Variants in CNTNAP3B observed in about 807,000 individuals in gnomAD.
The protein encoded by CNTNAP3B is contactin associated protein family member 3B, also known as contactin-associated protein-like 3B.
Under a neutral mutation model 108.9 loss-of-function variants are expected in CNTNAP3B, and 25 were observed. The ratio of observed to expected loss-of-function variants is 0.23; its 90% CI spans 0.17 to 0.32. The LOEUF (loss-of-function observed/expected upper bound fraction) is 0.32, where lower values mean the gene tolerates loss of function less well. Ranked by LOEUF, CNTNAP3B falls within the 10% of genes least tolerant of loss-of-function variation. CNTNAP3B has a pLI of 1.00. For missense variants in CNTNAP3B, 252 were observed against 1,210.4 expected, an observed-to-expected ratio of 0.21 and a Z score of 11.75; for synonymous variants, 103 against 473.4, an observed-to-expected ratio of 0.22 and a Z score of 10.16.
At chr9:42,055,228 A>G (rs1476864061) in intron 3 of CNTNAP3B, among the ~76,000 whole-genome samples, 1 of 138,456 alleles carries the variant, frequency 7.2e-6, no homozygotes, top group East Asian at 2.1e-4. Flanking sequence ...CCCATTACCC[A>G]GAGGGAAAAA....
rs558000713 is a variant in CNTNAP3B at position 41,973,137 on chromosome 9, C to T, written c.1478-2892G>A. Among the ~76,000 whole-genome samples, 203 of 140,764 alleles carry T rather than the reference C, an allele frequency of 1.4e-3. 2 individuals are homozygous for T. The highest frequency in any genetic ancestry group is 7.0e-3 in the Middle Eastern group (2 of 284). The allele number at this position is 140,764 out of a possible 152,430, so 92.3% of individuals were successfully genotyped here. ...TTTTTGTATTTTTTTTCAGTAGAGA[C>T]GGGGTTTCACCATATTAGCCAGGAT... On this transcript the variant is annotated intron_variant, in intron 9 of 23. Transcript: ENST00000377561.
chr9:42,055,095 C>T (rs2118552578), intron 3 of CNTNAP3B, among the ~76,000 whole-genome samples: 1 of 139,548 alleles, frequency 7.2e-6, no homozygotes, highest in East Asian at 2.2e-4. Flanking sequence ...GGAAAAAGAA[C>T]TGCATTAAAA....
chr9:42,032,766 C>T (rs1460790153), intron 3 of CNTNAP3B, among the ~76,000 whole-genome samples: 2 of 137,262 alleles, frequency 1.5e-5, no homozygotes, highest in Non-Finnish European at 1.6e-5. Context: ...CACTTATTCT[C>T]GCACAGCTCT....
chr9:42,127,929 C>G (rs987940542), intron 1 of CNTNAP3B, among the ~76,000 whole-genome samples: 2 of 139,552 alleles, frequency 1.4e-5, no homozygotes, highest in Non-Finnish European at 3.1e-5. Flanking sequence ...CCTTGGTTAT[C>G]CTGCAATAAT....
intron 3 of CNTNAP3B, among the ~76,000 whole-genome samples, chr9:42,044,534 A>C (rs1415307901): frequency 9.6e-6 from 1 of 104,286 alleles, no homozygotes; most frequent in East Asian, 4.9e-4. Context: ...GATGTTTATT[A>C]AACCAGAACA....
At chr9:41,942,550 G>T (rs1182881295) in intron 13 of CNTNAP3B, among the ~76,000 whole-genome samples, 1 of 150,168 alleles carries the variant, frequency 6.7e-6, no homozygotes, top group African/African-American at 2.5e-5. Context: ...GACGGAGCTT[G>T]CAGTCAGCTG....
At position 42,119,364 on chromosome 9, in the gene CNTNAP3B, T is replaced by C. The variant is rs1057447213; in HGVS notation, c.85+9646A>G. On this transcript the variant is annotated intron_variant, in intron 1 of 23. Coordinates refer to ENST00000377561, the MANE Select transcript of CNTNAP3B (RefSeq NM_001201380.3). ...CAAATGGAAGAACATTCCATGCTCA[T>C]GGGTAGGAAGAATCAGTATCATGAA... Among the ~76,000 whole-genome samples the C allele has an allele frequency of 9.0e-5, 12 of 133,314 alleles. 2 individuals are homozygous for C. Among genetic ancestry groups the C allele is most frequent in the South Asian group, 5.0e-4 (2 of 4,026 alleles). The allele number at this position is 133,314 out of a possible 152,430, so 87.5% of individuals were successfully genotyped here.
chr9:42,077,564 C>A lies in CNTNAP3B; in HGVS notation c.197-502G>T, dbSNP rs1827518438. 1.5e-5 allele frequency among the ~76,000 whole-genome samples: 2 copies of A among 131,576 alleles called. 1 individual carries two copies. Among genetic ancestry groups the A allele is most frequent in the African/African-American group, 6.1e-5 (2 of 32,650 alleles). 86.3% of individuals were successfully genotyped at this position (131,576 alleles called of 152,430 possible). A position where few individuals can be genotyped will look rare whatever the true frequency, so the allele number is the denominator to read the frequency against. ...GGCAATCCCACTTACATGTGGAATT[C>A]TAAAAAGTTGATTTCACAAAAGTAC... On this transcript the variant is annotated intron_variant, in intron 2 of 23. Coordinates refer to ENST00000377561, the MANE Select transcript of CNTNAP3B (RefSeq NM_001201380.3).
intron 18 of CNTNAP3B, among the ~76,000 whole-genome samples, chr9:41,919,109 A>T (rs1464305934): frequency 6.6e-6 from 1 of 152,256 alleles, no homozygotes; most frequent in Non-Finnish European, 1.5e-5. Context: ...AGAGTACTTA[A>T]TACTAAAATC....
chr9:41,963,170 G>A (rs1825159079), intron 11 of CNTNAP3B, among the ~76,000 whole-genome samples: 1 of 152,280 alleles, frequency 6.6e-6, no homozygotes, highest in Non-Finnish European at 1.5e-5. Context: ...TCCACAGCCT[G>A]CCTTTCTCCT....
intron 9 of CNTNAP3B, among the ~76,000 whole-genome samples, chr9:41,977,762 GGCGCCCACCACCAT>G (rs1308659246): frequency 5.0e-5 from 6 of 120,832 alleles, no homozygotes; most frequent in Non-Finnish European, 8.5e-5. Flanking sequence ...TGGGACTACA[GGCGCCCACCACCAT>G]GCCCAGCTAA....
At chr9:41,960,172 G>A (rs1198690622) in intron 12 of CNTNAP3B, 22 of 158,200 alleles carry the variant, frequency 1.4e-4, no homozygotes, top group Non-Finnish European at 2.9e-4. Context: ...GCTAATTTTT[G>A]TATTTTTAGT....
chr9:41,923,961 T>A lies in CNTNAP3B; in HGVS notation c.2498A>T (p.Asn833Ile). Residue 833 changes from asparagine (N) to isoleucine (I), a missense_variant, in exon 16 of 24, where the codon AAC becomes ATC. Transcript: ENST00000377561. Reference protein sequence around the residue: ...TTVSSGVFMENLGITDFIRIE... With the variant: ...TTVSSGVFMEILGITDFIRIE... The stretch of plus-strand genomic sequence containing the variant: ...CCTGATGAAGTCTGTGATCCCCAGG[T>A]TCTCCATAAACACCCCAGAGGAAAC... 6.2e-7 allele frequency: 1 copy of A among 1,612,134 alleles called. No homozygotes were observed. Among genetic ancestry groups the A allele is most frequent in the Non-Finnish European group, 8.5e-7 (1 of 1,179,884 alleles).
intron 14 of CNTNAP3B, among the ~76,000 whole-genome samples, chr9:41,933,362 G>A (rs1049044479): frequency 6.6e-6 from 1 of 152,276 alleles, no homozygotes; most frequent in Non-Finnish European, 1.5e-5. Context: ...CCCAAGAGTC[G>A]AAATCACCCC....
At chr9:41,958,796 A>G (rs1824960802) in intron 12 of CNTNAP3B, among the ~76,000 whole-genome samples, 1 of 151,674 alleles carries the variant, frequency 6.6e-6, no homozygotes, top group African/African-American at 2.4e-5. Context: ...TAAGAAGAAC[A>G]GAAAGCTCTG....
chr9:42,030,813 G>GTGT (rs1156882673), intron 3 of CNTNAP3B, among the ~76,000 whole-genome samples: 21 of 65,724 alleles, frequency 3.2e-4, no homozygotes, highest in East Asian at 1.5e-3. Context: ...GAGAGAGAGA[G>GTGT]GAGAGAGAGA....
At chr9:41,945,206 T>A (rs1421725850) in intron 13 of CNTNAP3B, among the ~76,000 whole-genome samples, 1 of 152,206 alleles carries the variant, frequency 6.6e-6, no homozygotes, top group African/African-American at 2.4e-5. Context: ...AAGACAGTGT[T>A]GCGATTCCTC....
At chr9:41,945,581 A>T (rs1408375696) in intron 13 of CNTNAP3B, among the ~76,000 whole-genome samples, 1 of 152,312 alleles carries the variant, frequency 6.6e-6, no homozygotes, top group Non-Finnish European at 1.5e-5. Context: ...ACACTTGGAC[A>T]CAGGAAGGGG....
intron 13 of CNTNAP3B, among the ~76,000 whole-genome samples, chr9:41,940,729 G>A (rs1304542416): frequency 6.6e-6 from 1 of 152,120 alleles, no homozygotes; most frequent in Non-Finnish European, 1.5e-5. Context: ...GCAGGAGAAT[G>A]GCGTGAACCC....
Sources: gnomAD v4.1 joint callset for allele counts (sites outside exome capture counted in the v4.1 genomes callset) on GRCh38, gnomAD v4.1.1 for gene constraint, MANE v1.5 for transcripts, NCBI Gene and HGNC (gene_info 2026-07-23, HGNC 2026-07-21) for gene names.